IGF2BP3: variants seen among roughly 807,000 people sequenced by gnomAD.
The protein encoded by IGF2BP3 is insulin-like growth factor 2 mRNA-binding protein 3.
Under a neutral mutation model 73.8 loss-of-function variants are expected in IGF2BP3, and 9 were observed. The ratio of observed to expected loss-of-function variants is 0.12; its 90% CI spans 0.07 to 0.21. The LOEUF is 0.21. Ranked by LOEUF, IGF2BP3 falls within the 10% of genes least tolerant of loss-of-function variation. IGF2BP3 has a pLI of 1.00. For synonymous variants in IGF2BP3, 258 were observed against 256.7 expected (o/e 1.01, Z -0.05); for missense variants, 542 against 714.0 (o/e 0.76, Z 2.75).
Position 23,312,161 on chromosome 7 carries a change from T to A in IGF2BP3, c.*201A>T. 4.6e-6 allele frequency: 2 copies of A among 435,824 alleles called. No individual in the cohort carries two copies. The highest frequency in any genetic ancestry group is 8.3e-6 in the Non-Finnish European group (2 of 242,046). 27.0% of individuals were successfully genotyped at this position (435,824 alleles called of 1,614,324 possible). Reference sequence around the variant, plus strand: ...TTTGTTTGTTTGTTTGTTTTAAAGCTGGGTGTCATACATTTCAGAGAGCAT... The same window carrying A: ...TTTGTTTGTTTGTTTGTTTTAAAGCAGGGTGTCATACATTTCAGAGAGCAT... On this transcript the variant is annotated 3_prime_UTR_variant, in exon 15 of 15. Transcript: ENST00000258729.
intron 2 of IGF2BP3, among the ~76,000 whole-genome samples, chr7:23,461,971 A>AT (rs1788459181): frequency 6.6e-6 from 1 of 152,172 alleles, no homozygotes. Context: ...AGCAGCTTCC[A>AT]TTTTCACTTA....
intron 10 of IGF2BP3, among the ~76,000 whole-genome samples, chr7:23,328,525 C>A (rs113261031): frequency 2.6e-5 from 4 of 152,064 alleles, no homozygotes; most frequent in African/African-American, 9.7e-5. Context: ...ATATTTTTAA[C>A]AAAAACACTC....
At chr7:23,440,646 A>ATT (rs1262152904) in intron 2 of IGF2BP3, among the ~76,000 whole-genome samples, 1 of 152,238 alleles carries the variant, frequency 6.6e-6, no homozygotes, top group Non-Finnish European at 1.5e-5. Context: ...AAGTGCAAAC[A>ATT]TAAGCTATCC....
chr7:23,442,334 T>C (rs1364628739), intron 2 of IGF2BP3, among the ~76,000 whole-genome samples: 1 of 152,166 alleles, frequency 6.6e-6, no homozygotes, highest in African/African-American at 2.4e-5. Context: ...GATTTATCAG[T>C]TGTGTAACGG....
chr7:23,455,949 T>C (rs1175684692), intron 2 of IGF2BP3, among the ~76,000 whole-genome samples: 3 of 152,192 alleles, frequency 2.0e-5, no homozygotes, highest in Non-Finnish European at 4.4e-5. Flanking sequence ...GCTCCGAAAG[T>C]GCTGGGATTA....
rs1449325638 is a variant in IGF2BP3 at position 23,397,754 on chromosome 7, CTT to C, written c.285+21020_285+21021del. Among the ~76,000 whole-genome samples the C allele has an allele frequency of 3.9e-5, 6 of 152,304 alleles. No individual in the cohort carries two copies. The East Asian group carries it at 1.2e-3, about 29-fold the overall frequency. On this transcript the variant is annotated intron_variant, in intron 3 of 14. Coordinates refer to ENST00000258729, the MANE Select transcript of IGF2BP3 (RefSeq NM_006547.3). ...TGGTCCTATTAGCATTTATTTGACACTTGAGTGCTGATTACACTGGTGGTAAA... is the reference window on the plus strand; with the variant it reads ...TGGTCCTATTAGCATTTATTTGACACGAGTGCTGATTACACTGGTGGTAAA...
intron 6 of IGF2BP3, 57 bp from the exon 7 acceptor site, chr7:23,347,791 G>A (rs1784870568): frequency 1.9e-6 from 3 of 1,605,880 alleles, no homozygotes; most frequent in South Asian, 2.2e-5. Context: ...TATTCACAGT[G>A]GAGTCTGTAA....
intron 2 of IGF2BP3, among the ~76,000 whole-genome samples, chr7:23,455,844 C>T (rs1051581446): frequency 2.6e-5 from 4 of 152,180 alleles, no homozygotes; most frequent in African/African-American, 9.7e-5. Context: ...CGCCACAACG[C>T]CCGGATAATT....
chr7:23,405,427 T>C (rs2128527841), intron 3 of IGF2BP3, among the ~76,000 whole-genome samples: 1 of 152,336 alleles, frequency 6.6e-6, no homozygotes, highest in Non-Finnish European at 1.5e-5. Flanking sequence ...TTTTTCCCTC[T>C]GCTATGCCCC....
chr7:23,385,721 T>G (rs1786062328), intron 3 of IGF2BP3, among the ~76,000 whole-genome samples: 1 of 151,020 alleles, frequency 6.6e-6, no homozygotes, highest in African/African-American at 2.5e-5. Flanking sequence ...GCCCATCTAT[T>G]TTTATTTTTT....
chr7:23,367,922 C>T (rs1785426757), intron 3 of IGF2BP3, among the ~76,000 whole-genome samples: 1 of 152,034 alleles, frequency 6.6e-6, no homozygotes, highest in South Asian at 2.1e-4. Context: ...AATCCTTGAA[C>T]CCGGGAGGCA....
At chr7:23,426,302 A>G (rs1347904758) in intron 2 of IGF2BP3, among the ~76,000 whole-genome samples, 1 of 141,366 alleles carries the variant, frequency 7.1e-6, no homozygotes, top group Admixed American at 7.3e-5. Flanking sequence ...CCTGGGCAGT[A>G]AGAGCAAAAT....
intron 2 of IGF2BP3, among the ~76,000 whole-genome samples, chr7:23,427,471 C>A (rs1317517823): frequency 6.6e-6 from 1 of 152,152 alleles, no homozygotes; most frequent in Non-Finnish European, 1.5e-5. Context: ...CCAGGCTGGG[C>A]ACAGTGGCTC....
In IGF2BP3 at chr7:23,468,813, GCCA is replaced by G. The variant is rs564441313; in HGVS notation, c.176-274_176-272del. On this transcript the variant is annotated intron_variant, in intron 1 of 14. Transcript: ENST00000258729. Reference sequence around the variant, plus strand: ...AAGCCTCCCCCACCCACCCCTGGGGGCCACCAACACCACGAGGCCCGCAAGAGG... The same window carrying G: ...AAGCCTCCCCCACCCACCCCTGGGGGCCAACACCACGAGGCCCGCAAGAGG... Among the ~76,000 whole-genome samples, 494 of 152,282 alleles carry G rather than the reference GCCA, an allele frequency of 3.2e-3. 3 individuals are homozygous for G. The highest frequency in any genetic ancestry group is 0.012 in the African/African-American group (479 of 41,564).
chr7:23,364,366 T>G (rs534793547), intron 3 of IGF2BP3, among the ~76,000 whole-genome samples: 3 of 147,984 alleles, frequency 2.0e-5, no homozygotes, highest in South Asian at 4.3e-4. Context: ...AGAGCAAGAC[T>G]CCATCTAAAA....
chr7:23,379,917 G>A (rs1018016567), intron 3 of IGF2BP3, among the ~76,000 whole-genome samples: 3 of 152,136 alleles, frequency 2.0e-5, no homozygotes, highest in Admixed American at 6.5e-5. Flanking sequence ...TTGTTAACGA[G>A]TGAAGTCTTA....
chr7:23,455,966 T>A (rs1465562061), intron 2 of IGF2BP3, among the ~76,000 whole-genome samples: 1 of 152,172 alleles, frequency 6.6e-6, no homozygotes, highest in Non-Finnish European at 1.5e-5. Context: ...ATTACAGGCA[T>A]GAGCCACTGC....
chr7:23,443,110 T>C (rs1477597670), intron 2 of IGF2BP3, among the ~76,000 whole-genome samples: 1 of 136,868 alleles, frequency 7.3e-6, no homozygotes, highest in African/African-American at 2.8e-5. Context: ...TGATTTTTTT[T>C]TTTTTTTTTT....
chr7:23,317,535 A>G (rs156415), intron 12 of IGF2BP3, 104 bp downstream of exon 12: 29,532 of 812,368 alleles, frequency 0.036, 1,017 homozygotes, highest in African/African-American at 0.1. Context: ...AAGAATTTCC[A>G]TTGACTCTTT....
Sources: allele counts gnomAD v4.1 joint callset (sites outside exome capture counted in the v4.1 genomes callset), GRCh38; gene constraint gnomAD v4.1.1; transcripts MANE v1.5; gene names NCBI Gene and HGNC (gene_info 2026-07-23, HGNC 2026-07-21).